DLGAP2: variants seen among roughly 807,000 people sequenced by gnomAD.
DLGAP2 encodes DLG associated protein 2, also known as disks large-associated protein 2.
DLGAP2 carries 26 observed loss-of-function variants against 100.3 expected under a neutral mutation model. That is an observed-to-expected ratio of 0.26 (90% confidence interval 0.19 to 0.36). DLGAP2 has a LOEUF of 0.36. Among genes scored for constraint, DLGAP2 ranks in the 10% least tolerant of loss-of-function variants. DLGAP2 has a pLI of 1.00. For missense variants in DLGAP2, 1,858 were observed against 1,453.2 expected (o/e 1.28, Z -4.53); for synonymous variants, 886 against 630.1 (o/e 1.41, Z -6.08).
intron 1 of DLGAP2, among the ~76,000 whole-genome samples, chr8:746,642 C>T (rs1820624681): frequency 6.6e-6 from 1 of 152,278 alleles, no homozygotes; most frequent in African/African-American, 2.4e-5. Context: ...TGCACACTGG[C>T]AGGTGCTGAG....
intron 3 of DLGAP2, among the ~76,000 whole-genome samples, chr8:1,488,265 C>T (rs1363744179): frequency 2.0e-5 from 3 of 152,184 alleles, no homozygotes; most frequent in Non-Finnish European, 2.9e-5. Context: ...CTCCCAAACA[C>T]AGACGCCCGT....
Position 885,654 on chromosome 8 carries a change from A to G in DLGAP2, c.19-22258A>G, listed in dbSNP as rs1308605230. The stretch of plus-strand genomic sequence containing the variant: ...GATTGCCCTGGACAGAACTTCTAAT[A>G]CTATTTGAATAAGAGTGATGAGAGA... On this transcript the variant is annotated intron_variant, in intron 1 of 14. Coordinates refer to ENST00000637795, the MANE Select transcript of DLGAP2 (RefSeq NM_001346810.2). Among the ~76,000 whole-genome samples, 29 of 152,144 alleles carry G rather than the reference A, an allele frequency of 1.9e-4. 1 individual carries two copies. Among genetic ancestry groups the G allele is most frequent in the Non-Finnish European group, 1.5e-5 (1 of 68,028 alleles).
chr8:1,418,857 C>G lies in DLGAP2; in HGVS notation c.107-82509C>G, dbSNP rs186993949. On this transcript the variant is annotated intron_variant, in intron 3 of 14. Transcript: ENST00000637795. ...CCAGGGCCAATCCCAAGTCTGGCTT[C>G]TGGCCCGCTGGCTAGAGATCATGGG... Among the ~76,000 whole-genome samples the G allele has an allele frequency of 1.6e-3, 244 of 152,362 alleles. 5 individuals are homozygous for G. Among genetic ancestry groups the G allele is most frequent in the Non-Finnish European group, 4.1e-4 (28 of 68,034 alleles).
In DLGAP2 at chr8:1,701,108, G is replaced by A. The variant is rs540302892; in HGVS notation, c.2950-80G>A. ...GCTGCGGTCGGGAAGGGTCAGGCCA[G>A]GCCCCAGGGCCGCTGAGCTCGCGAG... On this transcript the variant is annotated intron_variant, in intron 14 of 14. Coordinates refer to ENST00000637795, the MANE Select transcript of DLGAP2 (RefSeq NM_001346810.2). 610 of 1,356,282 alleles carry A rather than the reference G, an allele frequency of 4.5e-4. 1 individual carries two copies. Among genetic ancestry groups the A allele is most frequent in the Non-Finnish European group, 5.6e-4 (559 of 998,734 alleles). The allele number at this position is 1,356,282 out of a possible 1,614,324, so 84.0% of individuals were successfully genotyped here. A position where few individuals can be genotyped will look rare whatever the true frequency, so the allele number is the denominator to read the frequency against.
intron 3 of DLGAP2, among the ~76,000 whole-genome samples, chr8:1,296,356 T>A (rs1585232160): frequency 2.0e-5 from 3 of 152,318 alleles, no homozygotes; most frequent in South Asian, 4.1e-4. Flanking sequence ...TCAGCGTTCC[T>A]TTAATCTCCC....
At chr8:1,040,454 G>T (rs115084598) in intron 2 of DLGAP2, among the ~76,000 whole-genome samples, 1 of 147,368 alleles carries the variant, frequency 6.8e-6, no homozygotes, top group African/African-American at 2.5e-5. Flanking sequence ...CTCAGTTTCC[G>T]TGGTCGTCTC....
chr8:1,254,704 T>C (rs1413999140), intron 2 of DLGAP2, among the ~76,000 whole-genome samples: 1 of 152,182 alleles, frequency 6.6e-6, no homozygotes, highest in African/African-American at 2.4e-5. Context: ...GCCTTAGCTC[T>C]TCTCAGGATG....
At chr8:764,754 G>A (rs1388336576) in intron 1 of DLGAP2, among the ~76,000 whole-genome samples, 2 of 152,192 alleles carry the variant, frequency 1.3e-5, no homozygotes, top group African/African-American at 4.8e-5. Context: ...AAGCTGTTGT[G>A]TAAGGGGCTC....
intron 1 of DLGAP2, among the ~76,000 whole-genome samples, chr8:886,749 C>A (rs1797931558): frequency 6.6e-6 from 1 of 152,194 alleles, no homozygotes; most frequent in African/African-American, 2.4e-5. Context: ...GTTATGATTT[C>A]AGTTCTTTTG....
At chr8:1,135,096 G>T (rs1020067338) in intron 2 of DLGAP2, among the ~76,000 whole-genome samples, 1 of 152,150 alleles carries the variant, frequency 6.6e-6, no homozygotes. Flanking sequence ...CCTCCCCAAG[G>T]ACTCTAACAC....
Position 1,043,502 on chromosome 8 carries a change from G to C in DLGAP2, c.73+135536G>C, listed in dbSNP as rs368173726. The stretch of plus-strand genomic sequence containing the variant: ...TGTGTCTACCCTGGGGCTTCTCTGT[G>C]GAAAGCTCCCCCTGGCCTTCGTAGG... On this transcript the variant is annotated intron_variant, in intron 2 of 14. Coordinates refer to ENST00000637795, the MANE Select transcript of DLGAP2 (RefSeq NM_001346810.2). 3.9e-3 allele frequency among the ~76,000 whole-genome samples: 597 copies of C among 152,082 alleles called. 5 individuals carry two copies. The highest frequency in any genetic ancestry group is 0.014 in the African/African-American group (566 of 41,440).
At chr8:1,147,095 T>C (rs755811964) in intron 2 of DLGAP2, among the ~76,000 whole-genome samples, 61 of 152,244 alleles carry the variant, frequency 4.0e-4, no homozygotes, top group Non-Finnish European at 8.1e-4. Context: ...GGCATCCTTA[T>C]ATTGAGTCTT....
At chr8:1,440,131 T>C (rs761891807) in intron 3 of DLGAP2, among the ~76,000 whole-genome samples, 1 of 152,090 alleles carries the variant, frequency 6.6e-6, no homozygotes, top group Non-Finnish European at 1.5e-5. Context: ...TCCTCTTCAT[T>C]TTAAGAAGAA....
At chr8:763,762 G>A (rs1425206073) in intron 1 of DLGAP2, among the ~76,000 whole-genome samples, 1 of 152,172 alleles carries the variant, frequency 6.6e-6, no homozygotes, top group Admixed American at 6.5e-5. Flanking sequence ...CACACATGAG[G>A]TGTGGAAAAC....
At chr8:1,484,572 C>T (rs777273391) in intron 3 of DLGAP2, among the ~76,000 whole-genome samples, 5 of 152,186 alleles carry the variant, frequency 3.3e-5, no homozygotes, top group Admixed American at 6.5e-5. Flanking sequence ...TCCAGACACT[C>T]GAAGGAGGTT....
At chr8:1,357,515 A>G (rs896749836) in intron 3 of DLGAP2, among the ~76,000 whole-genome samples, 3 of 151,794 alleles carry the variant, frequency 2.0e-5, no homozygotes, top group African/African-American at 7.3e-5. Flanking sequence ...TATTAATACC[A>G]TCTGTAGTAG....
intron 2 of DLGAP2, among the ~76,000 whole-genome samples, chr8:1,119,157 C>T (rs953093059): frequency 8.5e-5 from 13 of 152,214 alleles, no homozygotes; most frequent in Admixed American, 8.5e-4. Flanking sequence ...TATTATTTTG[C>T]ACTGAGATGG....
At chr8:828,740 C>T (rs1335082185) in intron 1 of DLGAP2, among the ~76,000 whole-genome samples, 1 of 152,176 alleles carries the variant, frequency 6.6e-6, no homozygotes, top group Non-Finnish European at 1.5e-5. Flanking sequence ...TGTTTAGAGA[C>T]TGCAGTAAAG....
intron 1 of DLGAP2, among the ~76,000 whole-genome samples, chr8:749,537 A>C (rs754222475): frequency 6.6e-5 from 10 of 151,984 alleles, no homozygotes; most frequent in Non-Finnish European, 1.3e-4. Context: ...ATTTTCATCG[A>C]TGTGTAATGT....
Sources: allele counts gnomAD v4.1 joint callset (sites outside exome capture counted in the v4.1 genomes callset), GRCh38; gene constraint gnomAD v4.1.1; transcripts MANE v1.5; gene names NCBI Gene and HGNC (gene_info 2026-07-23, HGNC 2026-07-21).